The following GLT8D2 variants were observed in gnomAD, a reference collection of about 807,000 sequenced individuals.
The protein encoded by GLT8D2 is glycosyltransferase 8 domain containing 2.
A neutral mutation model predicts 44.5 loss-of-function variants in GLT8D2; 45 were observed. The ratio of observed to expected loss-of-function variants is 1.01; its 90% CI spans 0.80 to 1.30. The LOEUF is 1.30. Among genes scored for constraint, GLT8D2 ranks in the 50% most tolerant of loss-of-function variants. The probability of loss-of-function intolerance (pLI) is 0.00; values close to 1 mark genes in which losing one functional copy is unlikely to be tolerated. For synonymous variants in GLT8D2, 156 were observed against 157.2 expected (o/e 0.99, Z 0.06); for missense variants, 400 against 430.4 (o/e 0.93, Z 0.62).
At chr12:104,017,726 G>A (rs1027466151) in intron 3 of GLT8D2, among the ~76,000 whole-genome samples, 1 of 152,152 alleles carries the variant, frequency 6.6e-6, no homozygotes, top group African/African-American at 2.4e-5. Flanking sequence ...CTAAAGTTTG[G>A]GAAAAGTTGG....
At chr12:104,037,014 C>A (rs1434015027) in intron 1 of GLT8D2, among the ~76,000 whole-genome samples, 1 of 152,190 alleles carries the variant, frequency 6.6e-6, no homozygotes, top group East Asian at 1.9e-4. Flanking sequence ...GAAACTCACT[C>A]AAAACCGCAC....
chr12:104,037,618 AC>A (rs1269487107), intron 1 of GLT8D2, among the ~76,000 whole-genome samples: 1 of 152,234 alleles, frequency 6.6e-6, no homozygotes, highest in Non-Finnish European at 1.5e-5. Flanking sequence ...CTCTGAATAG[AC>A]CAATAACAGG....
chr12:103,991,349 G>A (rs1872720457), intron 10 of GLT8D2, among the ~76,000 whole-genome samples: 2 of 152,096 alleles, frequency 1.3e-5, no homozygotes, highest in African/African-American at 2.4e-5. Context: ...ACCATGCCCA[G>A]CTAATTTTTC....
rs1385694431 is a variant in GLT8D2 at position 104,016,811 on chromosome 12, G to GAA, written c.20-1708_20-1707dup. Among the ~76,000 whole-genome samples, 9 of 112,238 alleles carry GAA rather than the reference G, an allele frequency of 8.0e-5. 1 individual carries two copies. In the South Asian group the frequency reaches 2.7e-3, roughly 34 times the overall value. The allele number at this position is 112,238 out of a possible 152,430, so 73.6% of individuals were successfully genotyped here. A position where few individuals can be genotyped will look rare whatever the true frequency, so the allele number is the denominator to read the frequency against. ...GGAAGGAAGGAAGGAAGGAAGGAAA[G>GAA]AAAGAAAGAGAAAGAAAAGAAAGAA... On this transcript the variant is annotated intron_variant, in intron 3 of 10. Transcript: ENST00000360814.
chr12:104,014,655 AGTGC>A (rs1876320229), intron 4 of GLT8D2, among the ~76,000 whole-genome samples: 1 of 152,210 alleles, frequency 6.6e-6, no homozygotes, highest in East Asian at 1.9e-4. Flanking sequence ...AGTGTGGAGC[AGTGC>A]ACTCACCCTG....
chr12:104,040,813 G>A (rs1038317132), intron 1 of GLT8D2, among the ~76,000 whole-genome samples: 3 of 152,148 alleles, frequency 2.0e-5, no homozygotes, highest in Non-Finnish European at 4.4e-5. Flanking sequence ...GCTGTGTTGT[G>A]ACTTTACTGG....
chr12:104,000,077 T>A (rs1451354663), intron 5 of GLT8D2, among the ~76,000 whole-genome samples: 1 of 152,196 alleles, frequency 6.6e-6, no homozygotes, highest in East Asian at 1.9e-4. Context: ...AGAATTTTTA[T>A]CTTGTATCCA....
chr12:104,060,720 C>G (rs1272355134), intron 1 of GLT8D2, among the ~76,000 whole-genome samples: 2 of 152,038 alleles, frequency 1.3e-5, no homozygotes, highest in Admixed American at 6.6e-5. Flanking sequence ...CTCAGGAGTT[C>G]AAGACCAGCA....
Position 104,015,064 on chromosome 12 carries a change from C to G in GLT8D2, c.61G>C (p.Val21Leu), listed in dbSNP as rs751178279. Residue 21 changes from valine (V) to leucine (L), a missense_variant, in exon 4 of 11, where the codon GTG becomes CTG. Transcript: ENST00000360814. ...LLFLLIVTLC[V>L]ILYKKVHKGT... ...TTATGAACTTTCTTATACAGAATCA[C>G]ACAGAGGGTCACGATCAGAAGGAAC... 6.2e-7 allele frequency: 1 copy of G among 1,613,928 alleles called. No individual in the cohort carries two copies.
intron 5 of GLT8D2, 26 bp from the exon 6 acceptor site, chr12:103,999,540 T>C (rs755307776): frequency 1.5e-5 from 20 of 1,331,740 alleles, no homozygotes; most frequent in Middle Eastern, 2.5e-4. Flanking sequence ...AAAAAACCTC[T>C]AGTATACCCT....
intron 5 of GLT8D2, among the ~76,000 whole-genome samples, chr12:104,001,094 T>C (rs1224204305): frequency 6.6e-6 from 1 of 152,228 alleles, no homozygotes; most frequent in Non-Finnish European, 1.5e-5. Context: ...TACATGTACA[T>C]GTACACACTT....
intron 5 of GLT8D2, among the ~76,000 whole-genome samples, chr12:104,002,255 A>G (rs1315221133): frequency 6.6e-6 from 1 of 152,194 alleles, no homozygotes; most frequent in East Asian, 1.9e-4. Context: ...CACCTCACCC[A>G]GCCTACAACA....
chr12:104,011,940 G>T (rs1004311963), intron 4 of GLT8D2, among the ~76,000 whole-genome samples: 13 of 151,878 alleles, frequency 8.6e-5, no homozygotes, highest in Non-Finnish European at 1.6e-4. Flanking sequence ...GGGACACTAA[G>T]GTGGGCAGAT....
intron 4 of GLT8D2, among the ~76,000 whole-genome samples, chr12:104,013,487 T>C (rs1403589506): frequency 1.3e-5 from 2 of 152,250 alleles, no homozygotes; most frequent in East Asian, 3.8e-4. Context: ...AGTTTGGGGC[T>C]ACTATGAATT....
intron 3 of GLT8D2, among the ~76,000 whole-genome samples, chr12:104,018,568 G>T (rs530130724): frequency 6.6e-6 from 1 of 152,166 alleles, no homozygotes; most frequent in South Asian, 2.1e-4. Context: ...TTATCAACAG[G>T]CCCGATTAAT....
chr12:103,998,795 G>C (rs140418786), intron 6 of GLT8D2, among the ~76,000 whole-genome samples: 28 of 151,960 alleles, frequency 1.8e-4, no homozygotes, highest in African/African-American at 5.8e-4. Flanking sequence ...AATCCTCCCC[G>C]CTCAGCCTCC....
intron 1 of GLT8D2, among the ~76,000 whole-genome samples, chr12:104,034,930 G>T (rs1044610193): frequency 2.6e-5 from 4 of 152,184 alleles, no homozygotes; most frequent in African/African-American, 9.7e-5. Flanking sequence ...GCCCCTCTGG[G>T]ACGAAGCTTC....
In GLT8D2 at chr12:103,989,397, G is replaced by A; in HGVS notation, c.*11C>T. The A allele has an allele frequency of 6.3e-7, 1 of 1,595,030 alleles. No individual in the cohort carries two copies. Among genetic ancestry groups the A allele is most frequent in the Non-Finnish European group, 8.5e-7 (1 of 1,170,552 alleles). On this transcript the variant is annotated 3_prime_UTR_variant, in exon 11 of 11. Transcript: ENST00000360814. Reference sequence around the variant, plus strand: ...TTTCTATACAGGGAATATTTTAAGGGTAGAGTTATATCAGCTATGGTGATT... The same window carrying A: ...TTTCTATACAGGGAATATTTTAAGGATAGAGTTATATCAGCTATGGTGATT...
At chr12:103,995,930 G>T (rs1343695968) in intron 8 of GLT8D2, among the ~76,000 whole-genome samples, 1 of 152,046 alleles carries the variant, frequency 6.6e-6, no homozygotes, top group African/African-American at 2.4e-5. Context: ...TAATTCTCAC[G>T]ATAACTACAA....
Sources: gnomAD v4.1 joint callset for allele counts (sites outside exome capture counted in the v4.1 genomes callset) on GRCh38, gnomAD v4.1.1 for gene constraint, MANE v1.5 for transcripts, NCBI Gene and HGNC (gene_info 2026-07-23, HGNC 2026-07-21) for gene names.